The following ATP5F1A variants were observed in gnomAD, a reference collection of about 807,000 sequenced individuals.
The protein encoded by ATP5F1A is ATP synthase F1 subunit alpha.
A neutral mutation model predicts 57.4 loss-of-function variants in ATP5F1A; 24 were observed. The ratio of observed to expected loss-of-function variants is 0.42; its 90% CI spans 0.30 to 0.59. The LOEUF (loss-of-function observed/expected upper bound fraction) is 0.59. Among genes scored for constraint, ATP5F1A ranks in the 20% least tolerant of loss-of-function variants. The probability of loss-of-function intolerance (pLI) is 0.19; values close to 1 mark genes in which losing one functional copy is unlikely to be tolerated. For synonymous variants in ATP5F1A, 251 were observed against 255.5 expected, an observed-to-expected ratio of 0.98 and a Z score of 0.17; for missense variants, 494 against 707.9, an observed-to-expected ratio of 0.70 and a Z score of 3.43.
upstream of ATP5F1A, among the ~76,000 whole-genome samples, chr18:46,102,261 A>G (rs1911297141): frequency 6.6e-6 from 1 of 151,910 alleles, no homozygotes; most frequent in Admixed American, 6.6e-5. Flanking sequence ...TTTTTGCCCC[A>G]TACTGAAGGG....
chr18:46,088,282 A>G (rs1480045467), intron 5 of ATP5F1A, 25 bp from the exon 6 acceptor site: 4 of 1,549,890 alleles, frequency 2.6e-6, no homozygotes, highest in Non-Finnish European at 3.5e-6. Context: ...AGTAAATATA[A>G]ATCTTCCTAA....
chr18:46,098,686 G>A (rs1216909346), upstream of ATP5F1A, among the ~76,000 whole-genome samples: 1 of 152,096 alleles, frequency 6.6e-6, no homozygotes, highest in African/African-American at 2.4e-5. Context: ...CCGTGGTTTA[G>A]CACGAGTAGC....
intron 8 of ATP5F1A, 26 bp downstream of exon 8, chr18:46,086,982 A>G: frequency 1.9e-6 from 3 of 1,604,874 alleles, no homozygotes; most frequent in East Asian, 2.2e-5. Context: ...CTTTTTTAAC[A>G]TTTCTTTTAA....
At position 46,080,291 on chromosome 18, in the gene ATP5F1A, T is replaced by A. The variant is rs901769056; in HGVS notation, c.*3991A>T. 1 of 152,176 alleles carries A rather than the reference T, an allele frequency of 6.6e-6. No individual in the cohort carries two copies. Among genetic ancestry groups the A allele is most frequent in the African/African-American group, 2.4e-5 (1 of 41,442 alleles). 9.4% of individuals were successfully genotyped at this position (152,176 alleles called of 1,614,324 possible). A position where few individuals can be genotyped will look rare whatever the true frequency, so the allele number is the denominator to read the frequency against. ...TTTTAAAATACAAGTCTGAAATCCA[T>A]AAAACTTCACATTTCAAAGGTCAAG... On this transcript the variant is annotated 3_prime_UTR_variant, in exon 12 of 12. Transcript: ENST00000398752.
At chr18:46,087,905 GAATCA>G in intron 6 of ATP5F1A, 199 bp downstream of exon 6, 1 of 578,346 alleles carries the variant, frequency 1.7e-6, no homozygotes, top group Non-Finnish European at 2.9e-6. Context: ...GAGTTAATCA[GAATCA>G]AACAGCTTCC....
At chr18:46,100,621 C>CA (rs1463210126), upstream of ATP5F1A, among the ~76,000 whole-genome samples, 1 of 151,804 alleles carries the variant, frequency 6.6e-6, no homozygotes, top group East Asian at 1.9e-4. Flanking sequence ...AAACAAACAA[C>CA]AAAAAAAGAG....
chr18:46,092,417 TG>T (rs1487580974), intron 2 of ATP5F1A, among the ~76,000 whole-genome samples: 4 of 150,664 alleles, frequency 2.7e-5, no homozygotes, highest in Non-Finnish European at 5.9e-5. Flanking sequence ...GAGACCAGCC[TG>T]GCCAACATTG....
chr18:46,097,976 A>C (rs1257828357), intron 1 of ATP5F1A, 196 bp downstream of exon 1: 4 of 1,407,606 alleles, frequency 2.8e-6, no homozygotes, highest in Non-Finnish European at 3.7e-6. Flanking sequence ...TCTGCCCTGT[A>C]CCATTCTGCC....
At chr18:46,094,145 G>A (rs1273627653) in intron 2 of ATP5F1A, among the ~76,000 whole-genome samples, 1 of 143,108 alleles carries the variant, frequency 7.0e-6, no homozygotes, top group African/African-American at 2.7e-5. Context: ...TATGCTGAAC[G>A]TGGGGGTGTG....
chr18:46,096,137 C>T (rs1262364777), intron 1 of ATP5F1A, among the ~76,000 whole-genome samples: 1 of 152,188 alleles, frequency 6.6e-6, no homozygotes, highest in Non-Finnish European at 1.5e-5. Context: ...GATGCACCCA[C>T]CTTGGCCTCC....
At position 46,089,639 on chromosome 18, in the gene ATP5F1A, T is replaced by C; in HGVS notation, c.577A>G (p.Ile193Val). 6.2e-7 allele frequency: 1 copy of C among 1,614,078 alleles called. No individual in the cohort carries two copies. Among genetic ancestry groups the C allele is most frequent in the Non-Finnish European group, 8.5e-7 (1 of 1,179,902 alleles). ...GGCACCAAGCTATCCACAGCCTTAATGCCAGTCTGCATTGGTTCCCGCACT... is the reference window on the plus strand; with the variant it reads ...GGCACCAAGCTATCCACAGCCTTAACGCCAGTCTGCATTGGTTCCCGCACT... Reference protein sequence around the residue: ...ISVREPMQTGIKAVDSLVPIG... With the variant: ...ISVREPMQTGVKAVDSLVPIG... Residue 193 changes from isoleucine (I) to valine (V), a missense_variant, in exon 5 of 12, where the codon ATT (isoleucine) becomes GTT (valine). Physicochemically the swap from Ile to Val is conservative, Grantham distance 29 (BLOSUM62 3). Transcript: ENST00000398752.
At chr18:46,101,048 G>A (rs1249001074), upstream of ATP5F1A, among the ~76,000 whole-genome samples, 1 of 152,070 alleles carries the variant, frequency 6.6e-6, no homozygotes, top group African/African-American at 2.4e-5. Flanking sequence ...TTCCAGCCTG[G>A]GCGACAGAGT....
chr18:46,093,656 T>C (rs1051706771), intron 2 of ATP5F1A, among the ~76,000 whole-genome samples: 3 of 151,930 alleles, frequency 2.0e-5, no homozygotes, highest in Admixed American at 1.3e-4. Context: ...AAACTCTATC[T>C]CTACTAAAAA....
chr18:46,089,586 A>T lies in ATP5F1A; in HGVS notation c.630T>A (p.Ile210=). Residue 210 remains isoleucine, a synonymous_variant, in exon 5 of 12, where the codon ATT becomes ATA. Transcript: ENST00000398752. ...TTTACCCAGTCTGTCGGTCACCAAT[A>T]ATCAGTTCACGCTGACCACGACCAA... ...VPIGRGQREL[I]IGDRQTGKTS... 1.9e-6 allele frequency: 3 copies of T among 1,614,042 alleles called. No individual in the cohort carries two copies. The South Asian group carries it at 3.3e-5, about 18-fold the overall frequency.
chr18:46,095,208 C>G, intron 1 of ATP5F1A, 77 bp from the exon 2 acceptor site: 1 of 1,375,934 alleles, frequency 7.3e-7, no homozygotes, highest in Non-Finnish European at 1.0e-6. Context: ...CAAATGCCAG[C>G]TTAGTGTGAT....
In ATP5F1A at chr18:46,091,699, A is replaced by G; in HGVS notation, c.292T>C (p.Phe98Leu). ...TAATTTACCTTTAAGCCTGAAGAAA[A>G]CTCTACCATTTCTTCTGCTTGAACA... ...RNVQAEEMVE[F>L]SSGLKGMSLN... The change falls in exon 3 of 12, where the codon TTT (phenylalanine) becomes CTT (leucine). Residue 98 changes from phenylalanine to leucine, a missense_variant. Phe to Leu is a conservative substitution (Grantham distance 22). Coordinates refer to ENST00000398752, the MANE Select transcript of ATP5F1A (RefSeq NM_004046.6). 4.4e-6 allele frequency: 7 copies of G among 1,602,556 alleles called. No homozygotes were observed. Among genetic ancestry groups the G allele is most frequent in the Non-Finnish European group, 6.0e-6 (7 of 1,175,900 alleles).
upstream of ATP5F1A, among the ~76,000 whole-genome samples, chr18:46,102,767 T>C (rs1345711312): frequency 6.6e-6 from 1 of 151,850 alleles, no homozygotes; most frequent in Non-Finnish European, 1.5e-5. Flanking sequence ...GGCAACATAG[T>C]GAGACCCTCT....
intron 1 of ATP5F1A, among the ~76,000 whole-genome samples, chr18:46,096,753 G>T (rs759049464): frequency 6.6e-6 from 1 of 151,092 alleles, no homozygotes; most frequent in Non-Finnish European, 1.5e-5. Flanking sequence ...AGGCCGAGGC[G>T]AGCGGATCAC....
chr18:46,094,107 C>CA (rs148004605), intron 2 of ATP5F1A, among the ~76,000 whole-genome samples: 75 of 140,994 alleles, frequency 5.3e-4, no homozygotes, highest in East Asian at 2.9e-3. Context: ...AACTCCATCT[C>CA]AAAAAAAAAA....
Sources: allele counts gnomAD v4.1 joint callset (sites outside exome capture counted in the v4.1 genomes callset), GRCh38; gene constraint gnomAD v4.1.1; transcripts MANE v1.5; gene names NCBI Gene and HGNC (gene_info 2026-07-23, HGNC 2026-07-21).